Variants in JAKMIP3 observed in about 807,000 individuals in gnomAD.
JAKMIP3 encodes janus kinase and microtubule-interacting protein 3.
Under a neutral mutation model 118.5 loss-of-function variants are expected in JAKMIP3, and 58 were observed. The observed-to-expected ratio is 0.49, with a 90% CI of 0.40 to 0.61. The LOEUF (loss-of-function observed/expected upper bound fraction) is 0.61. Ranked by LOEUF, JAKMIP3 falls within the 20% of genes least tolerant of loss-of-function variation. JAKMIP3 has a pLI of 0.00. For missense variants in JAKMIP3, 950 were observed against 1,109.0 expected (o/e 0.86, Z 2.04); for synonymous variants, 486 against 451.2 (o/e 1.08, Z -0.98).
intron 3 of JAKMIP3, among the ~76,000 whole-genome samples, chr10:132,124,850 C>T (rs944208451): frequency 2.6e-5 from 4 of 152,232 alleles, no homozygotes; most frequent in Admixed American, 6.5e-5. Flanking sequence ...AGCCCCCTCT[C>T]GTTCTACATC....
chr10:132,074,192 C>T (rs1445793355), intron 1 of JAKMIP3, among the ~76,000 whole-genome samples: 2 of 152,192 alleles, frequency 1.3e-5, no homozygotes, highest in Admixed American at 6.5e-5. Context: ...GCTAGGATTA[C>T]AGGCATGTGC....
Position 132,135,931 on chromosome 10 carries a change from T to G in JAKMIP3, c.971T>G (p.Leu324Trp). The G allele has an allele frequency of 6.2e-7, 1 of 1,611,358 alleles. No individual in the cohort carries two copies. Among genetic ancestry groups the G allele is most frequent in the Non-Finnish European group, 8.5e-7 (1 of 1,179,110 alleles). Residue 324 changes from leucine (L) to tryptophan (W), a missense_variant and splice_region_variant, in exon 6 of 24, where the codon TTG becomes TGG. Leu to Trp is a moderately conservative substitution (Grantham distance 61). Coordinates refer to ENST00000684848, the MANE Select transcript of JAKMIP3 (RefSeq NM_001323087.2). Reference sequence around the variant, plus strand: ...ATCACATAGTGCGTTGTCTTTCAGTTGAAGCGCGTAAGAGAAGCTGAGAGT... The same window carrying G: ...ATCACATAGTGCGTTGTCTTTCAGTGGAAGCGCGTAAGAGAAGCTGAGAGT... ...ALLSEERNEL[L>W]KRVREAESQY... is the part of the protein sequence containing the mutation.
rs1161232998 is a variant in JAKMIP3 at position 132,104,795 on chromosome 10, C to T, written c.-14C>T. ...CCCTACCCCTGGGCATCCCCCTGGC[C>T]ATCCAGCCTCACCATGTCCAAGAGG... On this transcript the variant is annotated 5_prime_UTR_variant, in exon 2 of 24. Transcript: ENST00000684848. 6.5e-7 allele frequency: 1 copy of T among 1,548,740 alleles called. No individual in the cohort carries two copies. The highest frequency in any genetic ancestry group is 2.0e-5 in the Admixed American group (1 of 50,984).
rs1160803212 is a variant in JAKMIP3 at position 132,180,608 on chromosome 10, TGTGTGTGCGTGTGTGTGC to T, written c.*1104-1737_*1104-1720del. Among the ~76,000 whole-genome samples, 18 of 28,416 alleles carry T rather than the reference TGTGTGTGCGTGTGTGTGC, an allele frequency of 6.3e-4. 8 individuals carry two copies. The South Asian group carries it at 0.016, about 25-fold the overall frequency. The allele number at this position is 28,416 out of a possible 152,430, so 18.6% of individuals were successfully genotyped here. On this transcript the variant is annotated intron_variant, in intron 23 of 23. Transcript: ENST00000684848. The stretch of plus-strand genomic sequence containing the variant: ...GCGCGTGTGTGTGTGCGTGCGCGTG[TGTGTGTGCGTGTGTGTGC>T]GTGTGTGCGTGCGTGTGTGCGTGTG...
chr10:132,101,446 T>A (rs1180825323), intron 1 of JAKMIP3, among the ~76,000 whole-genome samples: 2 of 152,238 alleles, frequency 1.3e-5, no homozygotes, highest in African/African-American at 4.8e-5. Flanking sequence ...GGTCTAAATG[T>A]TGACCATTGT....
intron 13 of JAKMIP3, 89 bp downstream of exon 13, chr10:132,145,669 G>A (rs971413148): frequency 1.4e-5 from 16 of 1,106,560 alleles, no homozygotes; most frequent in East Asian, 7.7e-5. Flanking sequence ...AGGATGGAGC[G>A]AGGGCTGAGG....
intron 23 of JAKMIP3, among the ~76,000 whole-genome samples, chr10:132,174,408 G>T (rs148001871): frequency 6.6e-6 from 1 of 151,730 alleles, no homozygotes; most frequent in Non-Finnish European, 1.5e-5. Flanking sequence ...AATGGCCTCC[G>T]TGGCCTCCGT....
At position 132,163,279 on chromosome 10, in the gene JAKMIP3, T is replaced by G. The variant is rs760324366; in HGVS notation, c.2291T>G (p.Leu764Arg). 3.8e-6 allele frequency: 6 copies of G among 1,597,302 alleles called. No individual in the cohort carries two copies. The highest frequency in any genetic ancestry group is 4.3e-6 in the Non-Finnish European group (5 of 1,173,008). The change falls in exon 20 of 24, where the codon CTG becomes CGG. Residue 764 changes from leucine (L) to arginine (R), a missense_variant. Coordinates refer to ENST00000684848, the MANE Select transcript of JAKMIP3 (RefSeq NM_001323087.2). Reference protein sequence around the residue: ...QQEAGAKVAELLSEEEREKLK... With the variant: ...QQEAGAKVAERLSEEEREKLK... ...GAGGCCGGGGCTAAGGTGGCTGAGCTGCTGTCAGAGGAGGAGCGCGAGAAG... is the reference window on the plus strand; with the variant it reads ...GAGGCCGGGGCTAAGGTGGCTGAGCGGCTGTCAGAGGAGGAGCGCGAGAAG...
At chr10:132,050,312 C>T (rs1359612837) in intron 1 of JAKMIP3, among the ~76,000 whole-genome samples, 1 of 152,156 alleles carries the variant, frequency 6.6e-6, no homozygotes, top group East Asian at 1.9e-4. Flanking sequence ...CCGGCAGTGA[C>T]AGAGGCCCTG....
At chr10:132,038,804 AAAAAAAC>A (rs2037606967) in intron 1 of JAKMIP3, among the ~76,000 whole-genome samples, 4 of 152,072 alleles carry the variant, frequency 2.6e-5, no homozygotes, top group African/African-American at 9.7e-5. Flanking sequence ...AAAAAAAAAA[AAAAAAAC>A]CATCATAAAC....
In JAKMIP3 at chr10:132,172,141, T is replaced by C. The variant is rs561198651; in HGVS notation, c.*1103+3108T>C. On this transcript the variant is annotated intron_variant, in intron 23 of 23. Transcript: ENST00000684848. ...CTTTTTTAGTTCTTCCTCGTCACTC[T>C]TGGCCTCGACGCTTGGATAAGAACT... 2.4e-3 allele frequency among the ~76,000 whole-genome samples: 367 copies of C among 152,320 alleles called. 1 individual carries two copies. The highest frequency in any genetic ancestry group is 8.7e-3 in the African/African-American group (362 of 41,552).
At chr10:132,082,175 G>A (rs1250555982) in intron 1 of JAKMIP3, among the ~76,000 whole-genome samples, 1 of 149,736 alleles carries the variant, frequency 6.7e-6, no homozygotes, top group Non-Finnish European at 1.5e-5. Context: ...TGTTTGGGGG[G>A]GGGGGCTGAA....
chr10:132,097,058 C>T (rs2043972170), intron 1 of JAKMIP3, among the ~76,000 whole-genome samples: 1 of 152,232 alleles, frequency 6.6e-6, no homozygotes, highest in Admixed American at 6.5e-5. Flanking sequence ...GAAATGCAGA[C>T]AGAAGCCATA....
At chr10:132,163,959 G>T (rs893231360) in intron 20 of JAKMIP3, among the ~76,000 whole-genome samples, 3 of 152,222 alleles carry the variant, frequency 2.0e-5, no homozygotes, top group Admixed American at 2.0e-4. Context: ...GAGAAGCCCT[G>T]CTGACTAGAT....
intron 1 of JAKMIP3, among the ~76,000 whole-genome samples, chr10:132,039,248 A>C (rs533759358): frequency 1.3e-5 from 2 of 152,186 alleles, no homozygotes; most frequent in South Asian, 4.2e-4. Flanking sequence ...GGTCTCCCAG[A>C]CTGCTGGGAT....
At chr10:132,157,246 G>T (rs773590739) in intron 19 of JAKMIP3, among the ~76,000 whole-genome samples, 28 of 152,072 alleles carry the variant, frequency 1.8e-4, no homozygotes, top group Non-Finnish European at 3.8e-4. Context: ...ACATGTGTGC[G>T]CACGTGCATT....
Position 132,180,530 on chromosome 10 carries a change from T to TGTGTGTGTGC in JAKMIP3, c.*1104-1818_*1104-1817insCGTGTGTGTG, listed in dbSNP as rs1554962674. On this transcript the variant is annotated intron_variant, in intron 23 of 23. Transcript: ENST00000684848. Reference sequence around the variant, plus strand: ...GCAAACCTGGAAGCAGAACTGTGTGTGTGTGTGTGTGTGTGCGTGCGTGCA... The same window carrying TGTGTGTGTGC: ...GCAAACCTGGAAGCAGAACTGTGTGTGTGTGTGTGCGTGTGTGTGTGTGTGCGTGCGTGCA... Among the ~76,000 whole-genome samples the TGTGTGTGTGC allele has an allele frequency of 6.3e-5, 2 of 31,950 alleles. 1 individual carries two copies. The highest frequency in any genetic ancestry group is 1.1e-4 in the Non-Finnish European group (2 of 18,328). The allele number at this position is 31,950 out of a possible 152,430, so 21.0% of individuals were successfully genotyped here. A position where few individuals can be genotyped will look rare whatever the true frequency, so the allele number is the denominator to read the frequency against.
At chr10:132,055,641 G>A (rs914154018) in intron 1 of JAKMIP3, among the ~76,000 whole-genome samples, 2 of 152,126 alleles carry the variant, frequency 1.3e-5, no homozygotes, top group Admixed American at 6.5e-5. Flanking sequence ...CATGTGCCTC[G>A]GTCTTAATTA....
Position 132,117,567 on chromosome 10 carries a change from G to A in JAKMIP3, c.626G>A (p.Arg209His), listed in dbSNP as rs746809250. Residue 209 changes from arginine to histidine, a missense_variant, in exon 3 of 24, where the codon CGC becomes CAC. Transcript: ENST00000684848. The surrounding 1 kb of genome is among the most constrained non-coding windows in gnomAD (Gnocchi z 8.6). Reference protein sequence around the residue: ...RIKKECEREIRRLMEEIKFKD... With the variant: ...RIKKECEREIHRLMEEIKFKD... ...AAGAAGGAGTGCGAGCGGGAGATCC[G>A]CAGGCTGGTACGTGGGCAGGCAGGG... The A allele has an allele frequency of 2.5e-5, 39 of 1,550,216 alleles. No homozygotes were observed. In the Admixed American group the frequency reaches 5.7e-4, roughly 22 times the overall value.
Sources: allele counts gnomAD v4.1 joint callset (sites outside exome capture counted in the v4.1 genomes callset), GRCh38; gene constraint gnomAD v4.1.1; non-coding constraint Gnocchi (gnomAD v3.1); transcripts MANE v1.5; gene names NCBI Gene and HGNC (gene_info 2026-07-23, HGNC 2026-07-21).